Variants in PCDH15 observed in about 807,000 individuals in gnomAD.
PCDH15 encodes protocadherin related 15, also known as protocadherin-15.
Under a neutral mutation model 178.5 loss-of-function variants are expected in PCDH15, and 129 were observed. That is an observed-to-expected ratio of 0.72 (90% CI 0.63 to 0.84). The LOEUF is 0.84. PCDH15 is among the 40% of genes least tolerant of loss of function. The pLI is 0.00. For synonymous variants in PCDH15, 800 were observed against 732.0 expected (o/e 1.09, Z -1.50); for missense variants, 2,230 against 2,099.9 (o/e 1.06, Z -1.21).
intron 1 of PCDH15, among the ~76,000 whole-genome samples, chr10:54,689,408 A>G (rs1188074558): frequency 1.3e-5 from 2 of 152,154 alleles, no homozygotes; most frequent in Non-Finnish European, 2.9e-5. Context: ...TTGATCTCCA[A>G]ACCAGTCAAT....
intron 2 of PCDH15, among the ~76,000 whole-genome samples, chr10:54,561,980 CTTTTTTTTTTT>C (rs575547228): frequency 1.3e-4 from 10 of 75,238 alleles, no homozygotes; most frequent in South Asian, 5.1e-4. Flanking sequence ...CCGCACCCAG[CTTTTTTTTTTT>C]TTTTTTTTTT....
intron 11 of PCDH15, among the ~76,000 whole-genome samples, chr10:54,191,743 A>G (rs948313302): frequency 2.2e-5 from 2 of 89,910 alleles, no homozygotes; most frequent in Non-Finnish European, 4.0e-5. Context: ...CTGTCTCTAC[A>G]AAAAATGCAA....
chr10:55,503,912 A>G (rs1015276313), intron 2 of PCDH15, among the ~76,000 whole-genome samples: 1 of 151,464 alleles, frequency 6.6e-6, no homozygotes, highest in Non-Finnish European at 1.5e-5. Flanking sequence ...GTATTTATCC[A>G]AAGAAGCCAA....
intron 2 of PCDH15, among the ~76,000 whole-genome samples, chr10:54,597,654 T>A (rs1200455579): frequency 6.6e-6 from 1 of 151,908 alleles, no homozygotes; most frequent in Non-Finnish European, 1.5e-5. Flanking sequence ...GAACAGAGAC[T>A]GAGACATAAT....
At chr10:55,230,111 A>C (rs1467077821) in intron 1 of PCDH15, among the ~76,000 whole-genome samples, 1 of 151,924 alleles carries the variant, frequency 6.6e-6, no homozygotes, top group Non-Finnish European at 1.5e-5. Context: ...AATTGTATTC[A>C]ATATTGCTAT....
chr10:54,026,370 G>A lies in PCDH15; in HGVS notation c.2221-3173C>T, dbSNP rs1199871459. 3.9e-5 allele frequency among the ~76,000 whole-genome samples: 6 copies of A among 152,134 alleles called. No individual in the cohort carries two copies. The South Asian group carries it at 6.2e-4, about 16-fold the overall frequency. ...CAGGCATGAGCCATCTCACCTGGCC[G>A]GATAGGAGTTTTTAGAGAAAATATC... On this transcript the variant is annotated intron_variant, in intron 18 of 37. Transcript: ENST00000644397.
intron 2 of PCDH15, among the ~76,000 whole-genome samples, chr10:55,101,289 G>C (rs1190460503): frequency 6.6e-6 from 1 of 152,116 alleles, no homozygotes; most frequent in South Asian, 2.1e-4. Context: ...GGCTGAAGTG[G>C]CAGAATCGCT....
At chr10:55,090,521 G>A (rs1376046051) in intron 2 of PCDH15, among the ~76,000 whole-genome samples, 1 of 152,012 alleles carries the variant, frequency 6.6e-6, no homozygotes, top group Non-Finnish European at 1.5e-5. Context: ...GCTTAAAAGT[G>A]CACATTAAAG....
intron 8 of PCDH15, among the ~76,000 whole-genome samples, chr10:54,239,173 T>A (rs1322059363): frequency 6.6e-6 from 1 of 152,118 alleles, no homozygotes; most frequent in Non-Finnish European, 1.5e-5. Context: ...ATCACCTTCA[T>A]CTATTTATTT....
At chr10:54,319,616 G>A (rs2061470102) in intron 7 of PCDH15, among the ~76,000 whole-genome samples, 1 of 151,972 alleles carries the variant, frequency 6.6e-6, no homozygotes, top group African/African-American at 2.4e-5. Flanking sequence ...TACTGTGAGT[G>A]TACCAAATGC....
chr10:54,526,514 T>C (rs1305133900), intron 3 of PCDH15, among the ~76,000 whole-genome samples: 1 of 152,192 alleles, frequency 6.6e-6, no homozygotes, highest in East Asian at 1.9e-4. Context: ...AGAATCTTTT[T>C]TCATATATCT....
chr10:54,851,453 C>T (rs1953620146), intron 3 of PCDH15, among the ~76,000 whole-genome samples: 1 of 151,894 alleles, frequency 6.6e-6, no homozygotes, highest in African/African-American at 2.4e-5. Context: ...CAGACAAAAG[C>T]ATAAAAATAG....
chr10:55,512,782 ACTTGCTTTCC>A (rs1368040253), intron 2 of PCDH15: 1 of 152,120 alleles, frequency 6.6e-6, no homozygotes, highest in Non-Finnish European at 1.5e-5. Flanking sequence ...ATTCTCAGTC[ACTTGCTTTCC>A]CAAAGCAGAA....
chr10:54,058,486 A>G (rs1042015310), intron 18 of PCDH15, among the ~76,000 whole-genome samples: 2 of 152,088 alleles, frequency 1.3e-5, no homozygotes, highest in Non-Finnish European at 2.9e-5. Flanking sequence ...CACTATCCCA[A>G]GAACAGCATG....
intron 3 of PCDH15, among the ~76,000 whole-genome samples, chr10:54,396,711 A>G (rs1011332845): frequency 1.8e-4 from 27 of 152,182 alleles, no homozygotes; most frequent in African/African-American, 6.5e-4. Flanking sequence ...CATAAAGTAG[A>G]AAAATAGCAT....
intron 2 of PCDH15, among the ~76,000 whole-genome samples, chr10:55,123,287 C>T (rs1837818549): frequency 6.6e-6 from 1 of 151,900 alleles, no homozygotes; most frequent in Non-Finnish European, 1.5e-5. Flanking sequence ...AATTTACATA[C>T]ATTCATTTCT....
rs529997843 is a variant in PCDH15 at position 54,609,782 on chromosome 10, G to A, written c.91+54390C>T. Among the ~76,000 whole-genome samples, 34 of 152,012 alleles carry A rather than the reference G, an allele frequency of 2.2e-4. No individual in the cohort carries two copies. In the South Asian group the frequency reaches 6.8e-3, roughly 31 times the overall value. On this transcript the variant is annotated intron_variant, in intron 2 of 37. Coordinates refer to ENST00000644397, the MANE Select transcript of PCDH15 (RefSeq NM_001384140.1). ...ATTAATTTAATAACAAAGATACTTT[G>A]AAGAACACTAAATATCTATAGAAAG...
At chr10:53,942,356 T>C (rs112688308) in intron 23 of PCDH15, among the ~76,000 whole-genome samples, 1,534 of 152,354 alleles carry the variant, frequency 0.01, 8 homozygotes, top group Middle Eastern at 0.02. Context: ...TTTCCTTCTC[T>C]GTACAAGTGC....
intron 3 of PCDH15, among the ~76,000 whole-genome samples, chr10:54,406,654 T>A (rs965906375): frequency 9.9e-5 from 15 of 152,122 alleles, no homozygotes; most frequent in Non-Finnish European, 1.9e-4. Flanking sequence ...AGGAATTTGA[T>A]GGATCAGGAA....
Sources: allele counts gnomAD v4.1 joint callset (sites outside exome capture counted in the v4.1 genomes callset), GRCh38; gene constraint gnomAD v4.1.1; transcripts MANE v1.5; gene names NCBI Gene and HGNC (gene_info 2026-07-23, HGNC 2026-07-21).